The following ZCCHC14 variants were observed in gnomAD, a reference collection of about 807,000 sequenced individuals.
ZCCHC14 encodes zinc finger CCHC domain-containing protein 14.
ZCCHC14 carries 16 observed loss-of-function variants against 85.0 expected under a neutral mutation model. That is an observed-to-expected ratio of 0.19 (90% CI 0.13 to 0.29). The LOEUF (loss-of-function observed/expected upper bound fraction) is 0.29. ZCCHC14 is among the 10% of genes least tolerant of loss of function. The probability of loss-of-function intolerance (pLI) is 1.00; values close to 1 mark genes in which losing one functional copy is unlikely to be tolerated. For synonymous variants in ZCCHC14, 775 were observed against 630.7 expected (o/e 1.23, Z -3.43); for missense variants, 1,303 against 1,443.5 (o/e 0.90, Z 1.58).
intron 7 of ZCCHC14, 81 bp from the exon 8 acceptor site, chr16:87,417,823 C>G (rs980827772): frequency 2.1e-6 from 3 of 1,440,022 alleles, no homozygotes; most frequent in Non-Finnish European, 2.7e-6. Context: ...CACTTCCAGG[C>G]CTTTCTGTGC....
chr16:87,487,067 A>G (rs1325460501), intron 1 of ZCCHC14, among the ~76,000 whole-genome samples: 1 of 152,256 alleles, frequency 6.6e-6, no homozygotes, highest in Non-Finnish European at 1.5e-5. Context: ...GATTTTCAAC[A>G]GCTTACGAAA....
chr16:87,415,832 G>A (rs760340838), intron 8 of ZCCHC14, among the ~76,000 whole-genome samples: 26 of 152,152 alleles, frequency 1.7e-4, no homozygotes, highest in Admixed American at 7.9e-4. Context: ...CCATCACAGT[G>A]CCATCCCTTC....
chr16:87,467,125 G>A (rs1567537670), intron 1 of ZCCHC14: 4 of 818,908 alleles, frequency 4.9e-6, no homozygotes, highest in Non-Finnish European at 8.0e-6. Flanking sequence ...CCTCAAAAGT[G>A]GTCCTCCACC....
At chr16:87,474,609 G>A (rs1244912467) in intron 1 of ZCCHC14, among the ~76,000 whole-genome samples, 2 of 152,170 alleles carry the variant, frequency 1.3e-5, no homozygotes, top group East Asian at 1.9e-4. Flanking sequence ...TGCCCAGAGC[G>A]AGCTGAGCAC....
At chr16:87,413,020 G>A (rs1031442453) in intron 11 of ZCCHC14, 35 bp downstream of exon 11, 1 of 1,613,928 alleles carries the variant, frequency 6.2e-7, no homozygotes, top group Non-Finnish European at 8.5e-7. Context: ...CCACAGCTGG[G>A]CCAGGTCGAG....
At position 87,410,531 on chromosome 16, in the gene ZCCHC14, C is replaced by T. The variant is rs12598923; in HGVS notation, c.3206-196G>A. ...ATTTTACAAGTTTATCAAATCTGAC[C>T]GGGGTGAAATGACTCAGGAAAAGTT... On this transcript the variant is annotated intron_variant, in intron 12 of 12. Transcript: ENST00000671377. Among the ~76,000 whole-genome samples, 273 of 152,320 alleles carry T rather than the reference C, an allele frequency of 1.8e-3. 9 individuals are homozygous for T. The East Asian group carries it at 0.047, about 26-fold the overall frequency.
At position 87,458,357 on chromosome 16, in the gene ZCCHC14, G is replaced by A. The variant is rs114938342; in HGVS notation, c.694+1651C>T. On this transcript the variant is annotated intron_variant, in intron 2 of 12. Transcript: ENST00000671377. Reference sequence around the variant, plus strand: ...GTGTCCGCTCTGGGGTTGGAGCATCGCGGCATCACCAGGATGAGGGTGCGG... The same window carrying A: ...GTGTCCGCTCTGGGGTTGGAGCATCACGGCATCACCAGGATGAGGGTGCGG... Among the ~76,000 whole-genome samples, 333 of 152,286 alleles carry A rather than the reference G, an allele frequency of 2.2e-3. 4 individuals carry two copies. Among genetic ancestry groups the A allele is most frequent in the African/African-American group, 7.3e-3 (304 of 41,566 alleles).
chr16:87,411,522 G>T lies in ZCCHC14; in HGVS notation c.3199C>A (p.Arg1067=). 3 of 1,613,442 alleles carry T rather than the reference G, an allele frequency of 1.9e-6. No homozygotes were observed. Among genetic ancestry groups the T allele is most frequent in the Non-Finnish European group, 2.5e-6 (3 of 1,180,000 alleles). Residue 1067 remains arginine (R), a synonymous_variant, in exon 12 of 13, where the codon CGG becomes AGG. Transcript: ENST00000671377. The part of the protein sequence containing the change: ...DCKQPSMDFN[R]PGTFRLKYAP... Reference sequence around the variant, plus strand: ...GGCCATGGCGCGCGCTTACCTGGCCGGTTGAAGTCCATGGACGGCTGTTTG... The same window carrying T: ...GGCCATGGCGCGCGCTTACCTGGCCTGTTGAAGTCCATGGACGGCTGTTTG...
intron 2 of ZCCHC14, among the ~76,000 whole-genome samples, chr16:87,449,381 C>T (rs1179884445): frequency 1.3e-5 from 2 of 152,072 alleles, no homozygotes; most frequent in Non-Finnish European, 1.5e-5. Flanking sequence ...GTGAGGGGCA[C>T]AGCACAGGGG....
chr16:87,414,032 A>G (rs1908630492), intron 10 of ZCCHC14, among the ~76,000 whole-genome samples: 1 of 152,264 alleles, frequency 6.6e-6, no homozygotes, highest in Admixed American at 6.5e-5. Flanking sequence ...AAATGTAAAA[A>G]TCAAATAGGT....
intron 2 of ZCCHC14, among the ~76,000 whole-genome samples, chr16:87,441,260 G>A (rs1195491406): frequency 3.3e-5 from 5 of 152,168 alleles, no homozygotes; most frequent in Non-Finnish European, 7.3e-5. Flanking sequence ...CCAAAGTGCT[G>A]GGATTACAGG....
rs547236949 is a variant in ZCCHC14 at position 87,409,995 on chromosome 16, G to A, written c.*285C>T. 1.8e-5 allele frequency: 5 copies of A among 276,588 alleles called. No homozygotes were observed. In the East Asian group the frequency reaches 2.0e-4, roughly 11 times the overall value. 17.1% of individuals were successfully genotyped at this position (276,588 alleles called of 1,614,324 possible). On this transcript the variant is annotated 3_prime_UTR_variant, in exon 13 of 13. Coordinates refer to ENST00000671377, the MANE Select transcript of ZCCHC14 (RefSeq NM_015144.3). ...AGGGCCAGTGATGGCAATGCTCTTC[G>A]GGAGACATGGCGTCTCTGCACTGCA...
At position 87,408,942 on chromosome 16, in the gene ZCCHC14, T is replaced by G. The variant is rs1031625381; in HGVS notation, c.*1338A>C. On this transcript the variant is annotated 3_prime_UTR_variant, in exon 13 of 13. Coordinates refer to ENST00000671377, the MANE Select transcript of ZCCHC14 (RefSeq NM_015144.3). ...GACTTTAGCATTTTCGATAAGAGTA[T>G]TATTTGAGCAGAAAATTCCCTTTAA... 1.3e-5 allele frequency: 2 copies of G among 152,656 alleles called. No individual in the cohort carries two copies. The highest frequency in any genetic ancestry group is 4.8e-5 in the African/African-American group (2 of 41,456). 9.5% of individuals were successfully genotyped at this position (152,656 alleles called of 1,614,324 possible).
At chr16:87,427,616 G>A (rs1407881453) in intron 3 of ZCCHC14, among the ~76,000 whole-genome samples, 1 of 152,064 alleles carries the variant, frequency 6.6e-6, no homozygotes, top group East Asian at 1.9e-4. Flanking sequence ...TTTAATAAGA[G>A]TTGTTTATTA....
At chr16:87,438,738 C>T (rs1231327810) in intron 2 of ZCCHC14, among the ~76,000 whole-genome samples, 2 of 152,242 alleles carry the variant, frequency 1.3e-5, no homozygotes, top group Admixed American at 6.5e-5. Flanking sequence ...GCACTGCCCC[C>T]GGTCTTCCTC....
At chr16:87,464,614 G>C (rs752463000) in intron 1 of ZCCHC14, among the ~76,000 whole-genome samples, 1 of 152,140 alleles carries the variant, frequency 6.6e-6, no homozygotes, top group African/African-American at 2.4e-5. Context: ...AAGACAGGAA[G>C]GAAAACTCTT....
chr16:87,460,846 T>A (rs1911223593), intron 1 of ZCCHC14, among the ~76,000 whole-genome samples: 1 of 152,212 alleles, frequency 6.6e-6, no homozygotes, highest in Admixed American at 6.5e-5. Context: ...AAATCTTAAA[T>A]CATAAAATGC....
rs202085761 is a variant in ZCCHC14 at position 87,412,894 on chromosome 16, G to C, written c.1827C>G (p.Pro609=). 696 of 1,602,170 alleles carry C rather than the reference G, an allele frequency of 4.3e-4. 1 individual carries two copies. The highest frequency in any genetic ancestry group is 1.4e-3 in the East Asian group (63 of 44,794). ...LNHFTSSSAR[P]TAQVLPVQNE... Reference sequence around the variant, plus strand: ...TCTGCACAGGGAGAACCTGGGCCGTGGGTCTGGCGGAACTGGAAGTGAAGT... The same window carrying C: ...TCTGCACAGGGAGAACCTGGGCCGTCGGTCTGGCGGAACTGGAAGTGAAGT... Residue 609 remains proline (P), a synonymous_variant, in exon 12 of 13, where the codon CCC becomes CCG. Coordinates refer to ENST00000671377, the MANE Select transcript of ZCCHC14 (RefSeq NM_015144.3).
intron 2 of ZCCHC14, among the ~76,000 whole-genome samples, chr16:87,436,709 G>A (rs1466391053): frequency 2.6e-5 from 4 of 152,078 alleles, no homozygotes; most frequent in Non-Finnish European, 4.4e-5. Context: ...TCCTGCACAC[G>A]TACCCCAGAA....
Sources: gnomAD v4.1 joint callset for allele counts (sites outside exome capture counted in the v4.1 genomes callset) on GRCh38, gnomAD v4.1.1 for gene constraint, MANE v1.5 for transcripts, NCBI Gene and HGNC (gene_info 2026-07-23, HGNC 2026-07-21) for gene names.